Variants in RARB observed in about 807,000 individuals in gnomAD.
RARB encodes the protein HBV-activated protein.
RARB carries 17 observed loss-of-function variants against 51.9 expected under a neutral mutation model. That is an observed-to-expected ratio of 0.33 (90% CI 0.22 to 0.49). The LOEUF (loss-of-function observed/expected upper bound fraction) is 0.49, where lower values mean the gene tolerates loss of function less well. Among genes scored for constraint, RARB ranks in the 20% least tolerant of loss-of-function variants. RARB has a pLI of 0.99. For synonymous variants in RARB, 215 were observed against 195.4 expected (o/e 1.10, Z -0.84); for missense variants, 369 against 550.8 (o/e 0.67, Z 3.30).
chr3:24,832,543 T>G (rs563945256), intron 1 of RARB, among the ~76,000 whole-genome samples: 5 of 150,636 alleles, frequency 3.3e-5, no homozygotes, highest in South Asian at 4.2e-4. Flanking sequence ...AAGTACCCAT[T>G]ATTAATGACC....
intron 1 of RARB, among the ~76,000 whole-genome samples, chr3:24,857,209 C>T (rs576451473): frequency 6.6e-6 from 1 of 152,304 alleles, no homozygotes; most frequent in Admixed American, 6.5e-5. Context: ...CTTACAGTCC[C>T]TTGCAACATT....
At chr3:25,470,982 A>G (rs1695658277) in intron 2 of RARB, among the ~76,000 whole-genome samples, 1 of 152,036 alleles carries the variant, frequency 6.6e-6, no homozygotes, top group African/African-American at 2.4e-5. Context: ...ATCATAAGTT[A>G]TATCTAATTA....
chr3:25,252,245 AT>A (rs1271023962), intron 5 of RARB, among the ~76,000 whole-genome samples: 1 of 152,154 alleles, frequency 6.6e-6, no homozygotes, highest in African/African-American at 2.4e-5. Flanking sequence ...TGTCTTGATT[AT>A]TATAGCTTTA....
At chr3:25,191,212 TACTC>T (rs1177700423) in intron 5 of RARB, among the ~76,000 whole-genome samples, 1 of 152,126 alleles carries the variant, frequency 6.6e-6, no homozygotes, top group East Asian at 1.9e-4. Context: ...TAGACTCTGT[TACTC>T]ACAATACTGG....
chr3:24,871,981 G>A (rs1018198884), intron 2 of RARB, among the ~76,000 whole-genome samples: 4 of 152,046 alleles, frequency 2.6e-5, no homozygotes, highest in African/African-American at 9.7e-5. Flanking sequence ...TCTTGACTTT[G>A]AAAAGGGGCC....
intron 5 of RARB, among the ~76,000 whole-genome samples, chr3:25,250,909 G>T (rs1267914807): frequency 6.6e-6 from 1 of 152,128 alleles, no homozygotes; most frequent in African/African-American, 2.4e-5. Flanking sequence ...GCAATTGGGT[G>T]TTGTTCACTT....
chr3:24,919,534 TTC>T (rs1431268006), intron 2 of RARB, among the ~76,000 whole-genome samples: 1 of 152,092 alleles, frequency 6.6e-6, no homozygotes, highest in Non-Finnish European at 1.5e-5. Context: ...GTACGTCACT[TTC>T]TTTTTCTGTC....
At chr3:25,567,307 C>T (rs1700536650) in intron 3 of RARB, among the ~76,000 whole-genome samples, 1 of 152,192 alleles carries the variant, frequency 6.6e-6, no homozygotes, top group Non-Finnish European at 1.5e-5. Flanking sequence ...GATCCTCCCT[C>T]CCCACCAACT....
chr3:25,422,817 G>A (rs952291197), intron 5 of RARB, among the ~76,000 whole-genome samples: 12 of 152,108 alleles, frequency 7.9e-5, no homozygotes, highest in African/African-American at 1.7e-4. Context: ...AAACCCAAAT[G>A]TATATAGCTA....
chr3:25,398,395 A>G (rs1308798865), intron 5 of RARB, among the ~76,000 whole-genome samples: 1 of 152,218 alleles, frequency 6.6e-6, no homozygotes, highest in African/African-American at 2.4e-5. Context: ...TTAAAAAGCT[A>G]TTTAATATAT....
chr3:24,871,627 C>T (rs1702950016), intron 2 of RARB, among the ~76,000 whole-genome samples: 1 of 152,132 alleles, frequency 6.6e-6, no homozygotes. Flanking sequence ...ATTCAATGTT[C>T]TCGCCCAAAC....
Position 25,562,539 on chromosome 3 carries a change from G to C in RARB, c.449-7219G>C, listed in dbSNP as rs377394576. Among the ~76,000 whole-genome samples the C allele has an allele frequency of 2.0e-4, 31 of 152,276 alleles. 1 individual carries two copies. The highest frequency in any genetic ancestry group is 7.2e-4 in the African/African-American group (30 of 41,552). ...GAAATGTACAAAGAAGCACCGCCGG[G>C]TATGAAGGAAAGCATCTCAGGGGTT... On this transcript the variant is annotated intron_variant, in intron 3 of 7. Coordinates refer to ENST00000330688, the MANE Select transcript of RARB (RefSeq NM_000965.5).
intron 5 of RARB, among the ~76,000 whole-genome samples, chr3:25,232,307 G>T (rs1003387364): frequency 2.6e-5 from 4 of 152,096 alleles, no homozygotes; most frequent in African/African-American, 9.7e-5. Flanking sequence ...AACAACTTCA[G>T]TTCCTTTGAC....
chr3:25,496,286 A>C (rs1697028708), intron 2 of RARB, among the ~76,000 whole-genome samples: 1 of 152,164 alleles, frequency 6.6e-6, no homozygotes, highest in Non-Finnish European at 1.5e-5. Context: ...GTGTTGAAAA[A>C]TTGAAACATT....
chr3:25,456,715 A>T (rs1157207020), intron 1 of RARB, among the ~76,000 whole-genome samples: 1 of 139,426 alleles, frequency 7.2e-6, no homozygotes, highest in South Asian at 2.3e-4. Flanking sequence ...AGAGAGAGAG[A>T]GAGTCAAATA....
intron 2 of RARB, among the ~76,000 whole-genome samples, chr3:24,908,249 G>A (rs141715198): frequency 2.1e-4 from 32 of 152,216 alleles, no homozygotes; most frequent in African/African-American, 6.3e-4. Context: ...TAAGGCGTTC[G>A]CTTTCTTAAG....
intron 2 of RARB, among the ~76,000 whole-genome samples, chr3:24,952,011 A>G (rs758068099): frequency 9.9e-5 from 15 of 152,182 alleles, no homozygotes; most frequent in Non-Finnish European, 2.2e-4. Context: ...GATTATTGCA[A>G]TCTTTTACTA....
intron 3 of RARB, among the ~76,000 whole-genome samples, chr3:25,120,225 A>G (rs1360583620): frequency 6.6e-6 from 1 of 152,134 alleles, no homozygotes; most frequent in Non-Finnish European, 1.5e-5. Flanking sequence ...AAAGACGATA[A>G]ATGGCAACTG....
chr3:25,211,668 A>G (rs530243554), intron 5 of RARB, among the ~76,000 whole-genome samples: 6 of 152,326 alleles, frequency 3.9e-5, no homozygotes, highest in Admixed American at 1.3e-4. Flanking sequence ...TTTTTTATTA[A>G]GGGCCCAACA....
Sources: gnomAD v4.1 joint callset for allele counts (sites outside exome capture counted in the v4.1 genomes callset) on GRCh38, gnomAD v4.1.1 for gene constraint, MANE v1.5 for transcripts, NCBI Gene and HGNC (gene_info 2026-07-23, HGNC 2026-07-21) for gene names.